Variants in GRID2 observed in about 807,000 individuals in gnomAD.
GRID2 encodes glutamate receptor ionotropic, delta-2.
In GRID2, 33 loss-of-function variants were observed where a neutral mutation model predicts 114.8. The ratio of observed to expected loss-of-function variants is 0.29; its 90% confidence interval spans 0.22 to 0.38. GRID2 has a LOEUF of 0.38. Ranked by LOEUF, GRID2 falls within the 10% of genes least tolerant of loss-of-function variation. The pLI is 1.00. For synonymous variants in GRID2, 505 were observed against 449.9 expected (o/e 1.12, Z -1.55); for missense variants, 1,184 against 1,257.7 (o/e 0.94, Z 0.89).
intron 2 of GRID2, among the ~76,000 whole-genome samples, chr4:92,613,347 A>G (rs182503058): frequency 2.6e-5 from 4 of 151,472 alleles, no homozygotes; most frequent in Admixed American, 2.6e-4. Context: ...GGACTCATGA[A>G]TCTGTATTCA....
intron 2 of GRID2, among the ~76,000 whole-genome samples, chr4:92,794,330 T>G (rs1739746125): frequency 6.6e-6 from 1 of 151,826 alleles, no homozygotes; most frequent in African/African-American, 2.4e-5. Context: ...CTCTTCTGCC[T>G]GCAAATTTAT....
At chr4:93,594,758 C>A (rs1485320668) in intron 13 of GRID2, among the ~76,000 whole-genome samples, 1 of 151,978 alleles carries the variant, frequency 6.6e-6, no homozygotes, top group African/African-American at 2.4e-5. Flanking sequence ...TCTCGTGGTG[C>A]GCCGTTTTTT....
chr4:92,514,156 A>G (rs1160221497), intron 1 of GRID2, among the ~76,000 whole-genome samples: 1 of 151,906 alleles, frequency 6.6e-6, no homozygotes, highest in Non-Finnish European at 1.5e-5. Flanking sequence ...TGTTTTACCC[A>G]TAACAGCCTT....
chr4:92,543,293 T>G (rs1726071186), intron 1 of GRID2, among the ~76,000 whole-genome samples: 1 of 152,150 alleles, frequency 6.6e-6, no homozygotes, highest in South Asian at 2.1e-4. Flanking sequence ...ACACTGCTAA[T>G]AAGTTAGCAG....
chr4:92,631,586 G>C (rs1175423548), intron 2 of GRID2, among the ~76,000 whole-genome samples: 2 of 151,858 alleles, frequency 1.3e-5, no homozygotes, highest in African/African-American at 2.4e-5. Context: ...TCCTGTAATT[G>C]TGATAGAGAA....
chr4:93,321,895 A>T (rs1757257503), intron 8 of GRID2, among the ~76,000 whole-genome samples: 1 of 151,776 alleles, frequency 6.6e-6, no homozygotes, highest in African/African-American at 2.4e-5. Context: ...GTTACTTATA[A>T]TTTCTATTCA....
chr4:93,406,748 A>G (rs578042643), intron 9 of GRID2, among the ~76,000 whole-genome samples: 1 of 152,146 alleles, frequency 6.6e-6, no homozygotes, highest in African/African-American at 2.4e-5. Context: ...GGATACTCCC[A>G]CACACCTTGC....
At chr4:92,902,916 G>T (rs926964339) in intron 2 of GRID2, among the ~76,000 whole-genome samples, 3 of 151,860 alleles carry the variant, frequency 2.0e-5, no homozygotes, top group Non-Finnish European at 4.4e-5. Flanking sequence ...GGATCTATGT[G>T]TTGATTTTTA....
intron 2 of GRID2, among the ~76,000 whole-genome samples, chr4:92,710,799 T>C (rs537940623): frequency 6.6e-6 from 1 of 152,262 alleles, no homozygotes; most frequent in East Asian, 1.9e-4. Context: ...ATTATGGACA[T>C]AATATTTACT....
At chr4:92,380,610 A>G (rs1729576029) in intron 1 of GRID2, among the ~76,000 whole-genome samples, 1 of 152,050 alleles carries the variant, frequency 6.6e-6, no homozygotes, top group East Asian at 1.9e-4. Flanking sequence ...GGACAAAAAT[A>G]TGTATACTTA....
At chr4:92,847,517 C>T (rs978411596) in intron 2 of GRID2, among the ~76,000 whole-genome samples, 5 of 151,980 alleles carry the variant, frequency 3.3e-5, no homozygotes, top group South Asian at 2.1e-4. Flanking sequence ...TGCATTTGTG[C>T]CTTCAAATAA....
intron 4 of GRID2, among the ~76,000 whole-genome samples, chr4:93,181,298 C>T (rs1448622492): frequency 6.6e-6 from 1 of 152,148 alleles, no homozygotes; most frequent in Non-Finnish European, 1.5e-5. Context: ...CAACAGTGCA[C>T]TTAAATATTT....
intron 1 of GRID2, among the ~76,000 whole-genome samples, chr4:92,491,022 T>A (rs931487950): frequency 3.3e-5 from 5 of 152,172 alleles, no homozygotes; most frequent in African/African-American, 4.8e-5. Flanking sequence ...TTTTGTATTT[T>A]ATCTTTCTGT....
intron 1 of GRID2, among the ~76,000 whole-genome samples, chr4:92,308,241 A>G (rs189216866): frequency 5.9e-5 from 9 of 152,302 alleles, no homozygotes; most frequent in Non-Finnish European, 1.5e-5. Context: ...CAACTATGGA[A>G]GATCTCATGT....
At chr4:93,622,956 A>T (rs912044292) in intron 13 of GRID2, among the ~76,000 whole-genome samples, 16 of 152,146 alleles carry the variant, frequency 1.1e-4, no homozygotes, top group Admixed American at 2.6e-4. Flanking sequence ...TCTTTAAAAA[A>T]TTATATTTAA....
At chr4:92,590,063 T>C in intron 1 of GRID2, 68 bp from the exon 2 acceptor site, 1 of 1,057,480 alleles carries the variant, frequency 9.5e-7, no homozygotes. Context: ...AGTCTCCTTG[T>C]CATATTTCCA....
chr4:92,639,733 A>C (rs1229167870), intron 2 of GRID2, among the ~76,000 whole-genome samples: 2 of 151,760 alleles, frequency 1.3e-5, no homozygotes, highest in African/African-American at 4.8e-5. Context: ...CCCTGACTTC[A>C]CCACTATGTA....
At chr4:92,552,244 G>GAAA (rs560333310) in intron 1 of GRID2, among the ~76,000 whole-genome samples, 2 of 123,878 alleles carry the variant, frequency 1.6e-5, no homozygotes, top group Admixed American at 1.6e-4. Flanking sequence ...AAGCAAAAAT[G>GAAA]AAAAAAAAAA....
At chr4:93,105,134 T>C (rs1269655660) in intron 3 of GRID2, among the ~76,000 whole-genome samples, 1 of 152,242 alleles carries the variant, frequency 6.6e-6, no homozygotes, top group Non-Finnish European at 1.5e-5. Context: ...TCATGTCCTT[T>C]GCCCATTTTT....
Sources: gnomAD v4.1 joint callset for allele counts (sites outside exome capture counted in the v4.1 genomes callset) on GRCh38, gnomAD v4.1.1 for gene constraint, MANE v1.5 for transcripts, NCBI Gene and HGNC (gene_info 2026-07-23, HGNC 2026-07-21) for gene names.